The following CAD variants were observed in gnomAD, a reference collection of about 807,000 sequenced individuals.
The protein encoded by CAD is multifunctional protein CAD.
In CAD, 81 loss-of-function variants were observed where a neutral mutation model predicts 237.2. The observed-to-expected ratio is 0.34, with a 90% CI of 0.29 to 0.41. The LOEUF (loss-of-function observed/expected upper bound fraction) is 0.41. CAD is among the 10% of genes least tolerant of loss of function. The pLI is 1.00. For missense variants in CAD, 2,181 were observed against 2,951.7 expected (o/e 0.74, Z 6.05); for synonymous variants, 1,196 against 1,162.8 (o/e 1.03, Z -0.58).
At chr2:27,231,179 T>C (rs1675733520) in intron 15 of CAD, among the ~76,000 whole-genome samples, 1 of 152,228 alleles carries the variant, frequency 6.6e-6, no homozygotes, top group Non-Finnish European at 1.5e-5. Flanking sequence ...CTAATTTTTT[T>C]GTATTTTTAG....
In CAD at chr2:27,226,782, C is replaced by G; in HGVS notation, c.2157-50C>G. 2 of 1,610,122 alleles carry G rather than the reference C, an allele frequency of 1.2e-6. 1 individual carries two copies. Among genetic ancestry groups the G allele is most frequent in the South Asian group, 2.2e-5 (2 of 90,886 alleles). Reference sequence around the variant, plus strand: ...GGAAAGAGCTATCCGGAAGCTCACCCTTTATGCTTCCTTCACTGTCCTTCT... The same window carrying G: ...GGAAAGAGCTATCCGGAAGCTCACCGTTTATGCTTCCTTCACTGTCCTTCT... On this transcript the variant is annotated intron_variant, in intron 14 of 43. Coordinates refer to ENST00000264705, the MANE Select transcript of CAD (RefSeq NM_004341.5).
Position 27,222,606 on chromosome 2 carries a change from C to A in CAD, c.583C>A (p.Gln195Lys). 1.2e-6 allele frequency: 2 copies of A among 1,614,118 alleles called. No homozygotes were observed. The highest frequency in any genetic ancestry group is 1.7e-6 in the Non-Finnish European group (2 of 1,180,022). Residue 195 changes from glutamine (Q) to lysine (K), a missense_variant, in exon 5 of 44, where the codon CAG (glutamine) becomes AAG (lysine). This residue lies in a region of CAD where 314 missense variants were observed against 339.4 expected (regional missense o/e 0.93). Transcript: ENST00000264705. ...LKYNQIRCLC[Q>K]RGAEVTVVPW... Reference sequence around the variant, plus strand: ...GTATAATCAGATCCGATGCCTCTGCCAGCGTGGGGCTGAGGTCACTGTGGT... The same window carrying A: ...GTATAATCAGATCCGATGCCTCTGCAAGCGTGGGGCTGAGGTCACTGTGGT...
intron 2 of CAD, 21 bp downstream of exon 2, chr2:27,218,037 C>T (rs1674956355): frequency 6.4e-7 from 1 of 1,564,986 alleles, no homozygotes; most frequent in Admixed American, 2.0e-5. Flanking sequence ...CCAGTGCTTT[C>T]TCTACATTCC....
rs1382399962 is a variant in CAD, at chr2:27,239,161, C to A, written c.5182C>A (p.Leu1728Met). 2 of 1,613,318 alleles carry A rather than the reference C, an allele frequency of 1.2e-6. No individual in the cohort carries two copies. Among genetic ancestry groups the A allele is most frequent in the Admixed American group, 1.7e-5 (1 of 59,944 alleles). The change falls in exon 32 of 44, where the codon CTG becomes ATG. Residue 1728 changes from leucine to methionine, a missense_variant. By Grantham distance (15) the Leu-to-Met change is conservative (BLOSUM62 2). Transcript: ENST00000264705. The surrounding 1 kb of genome is among the most constrained non-coding windows in gnomAD (Gnocchi z 4.0). ...VSEGRLSLDD[L>M]LQRLHHNPRR... ...CGAGGGCCGGCTCAGCCTGGACGAC[C>A]TGCTGCAGCGATTGCACCACAATCC... is the stretch of plus-strand genomic sequence containing the variant.
At chr2:27,234,708 G>C in intron 23 of CAD, 23 bp downstream of exon 23, 1 of 1,604,398 alleles carries the variant, frequency 6.2e-7, no homozygotes, top group African/African-American at 1.3e-5. Flanking sequence ...GAAACCCTTG[G>C]GGTTAGCAGA....
Position 27,238,061 on chromosome 2 carries a change from C to T in CAD, c.4734C>T (p.Phe1578=). The change falls in exon 30 of 44, where the codon TTC becomes TTT. Residue 1578 remains phenylalanine (F), a synonymous_variant. Coordinates refer to ENST00000264705, the MANE Select transcript of CAD (RefSeq NM_004341.5). ...LDSVVQWMEH[F]ETWPSHLPIV... is the part of the protein sequence containing the mutation. ...TCAGTTCTTTCTGCTCCCAGCATTT[C>T]GAGACATGGCCCTCCCACCTCCCCA... The T allele has an allele frequency of 6.2e-7, 1 of 1,614,072 alleles. No individual in the cohort carries two copies. Among genetic ancestry groups the T allele is most frequent in the African/African-American group, 1.3e-5 (1 of 75,046 alleles).
chr2:27,241,378 G>A lies in CAD; in HGVS notation c.5865G>A (p.Arg1955=). The change falls in exon 38 of 44, where the codon CGG becomes CGA. Residue 1955 remains arginine (R), a synonymous_variant. Transcript: ENST00000264705. The surrounding 1 kb of genome is among the most constrained non-coding windows in gnomAD (Gnocchi z 4.6). Reference sequence around the variant, plus strand: ...TGCGTATGATGGTGCAGAAGGAGCGGAGCCTCGACATCCTGAAGGTCAGGA... The same window carrying A: ...TGCGTATGATGGTGCAGAAGGAGCGAAGCCTCGACATCCTGAAGGTCAGGA... The part of the protein sequence containing the change: ...HTLRMMVQKE[R]SLDILKGKVM... 6.2e-7 allele frequency: 1 copy of A among 1,614,170 alleles called. No individual in the cohort carries two copies. The highest frequency in any genetic ancestry group is 8.5e-7 in the Non-Finnish European group (1 of 1,180,014).
rs765527191 is a variant in CAD at position 27,238,112 on chromosome 2, C to A, written c.4785C>A (p.Thr1595=). 65 of 1,614,032 alleles carry A rather than the reference C, an allele frequency of 4.0e-5. No homozygotes were observed. The highest frequency in any genetic ancestry group is 5.3e-5 in the Non-Finnish European group (62 of 1,179,998). ...TTGTGGCTCACGCAGAGCAGCAAAC[C>A]GTGGCTGCTGTCCTCATGGTGGCTC... ...LPIVAHAEQQ[T]VAAVLMVAQL... Residue 1595 remains threonine, a synonymous_variant, in exon 30 of 44, where the codon ACC becomes ACA. Coordinates refer to ENST00000264705, the MANE Select transcript of CAD (RefSeq NM_004341.5).
chr2:27,229,665 C>G (rs1465060652), intron 15 of CAD, among the ~76,000 whole-genome samples: 4 of 151,118 alleles, frequency 2.6e-5, no homozygotes, highest in Non-Finnish European at 5.9e-5. Context: ...ATCATGAGGT[C>G]AGGAGTTTGA....
rs532266160 is a variant in CAD at position 27,240,652 on chromosome 2, C to T, written c.5594-259C>T. 5.2e-6 allele frequency: 8 copies of T among 1,540,666 alleles called. No homozygotes were observed. The highest frequency in any genetic ancestry group is 4.1e-5 in the African/African-American group (3 of 72,938). ...GGTTGTTGGTTGGTGTGAGTCTGGC[C>T]GTTCCTCTTGCCTAGGATGCCTTTG... On this transcript the variant is annotated intron_variant, in intron 35 of 43. Coordinates refer to ENST00000264705, the MANE Select transcript of CAD (RefSeq NM_004341.5). The surrounding 1 kb of genome is among the most constrained non-coding windows in gnomAD (Gnocchi z 4.6).
In CAD at chr2:27,236,206, C is replaced by A. The variant is rs1675993638; in HGVS notation, c.4075-78C>A. 2 of 1,561,294 alleles carry A rather than the reference C, an allele frequency of 1.3e-6. No individual in the cohort carries two copies. Among genetic ancestry groups the A allele is most frequent in the Non-Finnish European group, 1.7e-6 (2 of 1,152,550 alleles). ...AGTCTCCTCATCATGGGCTCCTGGGCCAGCTCCTCTCCCTTAAGGCTAGCC... is the reference window on the plus strand; with the variant it reads ...AGTCTCCTCATCATGGGCTCCTGGGACAGCTCCTCTCCCTTAAGGCTAGCC... On this transcript the variant is annotated intron_variant, in intron 25 of 43. Coordinates refer to ENST00000264705, the MANE Select transcript of CAD (RefSeq NM_004341.5). The surrounding 1 kb of genome is among the most constrained non-coding windows in gnomAD (Gnocchi z 4.1).
At chr2:27,228,512 C>G (rs1675550608) in intron 15 of CAD, among the ~76,000 whole-genome samples, 1 of 152,168 alleles carries the variant, frequency 6.6e-6, no homozygotes, top group African/African-American at 2.4e-5. Context: ...TCGCTTGAGC[C>G]CACGAGTTCA....
At position 27,240,079 on chromosome 2, in the gene CAD, A is replaced by G. The variant is rs1051350430; in HGVS notation, c.5497-186A>G. On this transcript the variant is annotated intron_variant, in intron 34 of 43. Transcript: ENST00000264705. The surrounding 1 kb of genome is among the most constrained non-coding windows in gnomAD (Gnocchi z 4.6). ...AACATGGTGAAACCCCATCTCTACT[A>G]AAAATAAAAAAATTAGCCAGGCGTG... The G allele has an allele frequency of 1.6e-6, 1 of 616,396 alleles. No individual in the cohort carries two copies. The highest frequency in any genetic ancestry group is 2.8e-6 in the Non-Finnish European group (1 of 352,454). The allele number at this position is 616,396 out of a possible 1,614,324, so 38.2% of individuals were successfully genotyped here. A position where few individuals can be genotyped will look rare whatever the true frequency, so the allele number is the denominator to read the frequency against.
rs1205690756 is a variant in CAD at position 27,217,504 on chromosome 2, G to A, written c.-48G>A. 8.0e-6 allele frequency: 12 copies of A among 1,496,142 alleles called. No individual in the cohort carries two copies. Among genetic ancestry groups the A allele is most frequent in the Non-Finnish European group, 9.2e-6 (10 of 1,092,498 alleles). 92.7% of individuals were successfully genotyped at this position (1,496,142 alleles called of 1,614,324 possible). The stretch of plus-strand genomic sequence containing the variant: ...TCACGTGGTTCCAGTGGAGTTTGCA[G>A]TCCTTCCCGCTTCTCCGTACTCGCC... On this transcript the variant is annotated 5_prime_UTR_variant, in exon 1 of 44. Coordinates refer to ENST00000264705, the MANE Select transcript of CAD (RefSeq NM_004341.5).
intron 15 of CAD, 88 bp downstream of exon 15, chr2:27,227,050 G>A (rs548746677): frequency 7.0e-6 from 8 of 1,144,276 alleles, no homozygotes; most frequent in South Asian, 2.5e-5. Context: ...GGCCTTTTAC[G>A]TCCTATGGGA....
In CAD at chr2:27,241,333, G is replaced by A. The variant is rs1338817164; in HGVS notation, c.5820G>A (p.Leu1940=). Reference sequence around the variant, plus strand: ...GGGCTCTTTCTTAGATGTCTCACCTGTTCAATGTGGCACACACACTGCGTA... The same window carrying A: ...GGGCTCTTTCTTAGATGTCTCACCTATTCAATGTGGCACACACACTGCGTA... ...QQFTKDQMSH[L]FNVAHTLRMM... The change falls in exon 38 of 44, where the codon CTG becomes CTA. Residue 1940 remains leucine, a synonymous_variant. Coordinates refer to ENST00000264705, the MANE Select transcript of CAD (RefSeq NM_004341.5). The surrounding 1 kb of genome is among the most constrained non-coding windows in gnomAD (Gnocchi z 4.6). 2 of 1,614,066 alleles carry A rather than the reference G, an allele frequency of 1.2e-6. No homozygotes were observed. The highest frequency in any genetic ancestry group is 2.7e-5 in the African/African-American group (2 of 74,918).
chr2:27,243,246 A>G lies in CAD; in HGVS notation c.6529A>G (p.Lys2177Glu), dbSNP rs1676412390. The G allele has an allele frequency of 1.2e-6, 2 of 1,613,992 alleles. No individual in the cohort carries two copies. The change falls in exon 43 of 44, where the codon AAG becomes GAG. Residue 2177 changes from lysine to glutamate, a missense_variant. Coordinates refer to ENST00000264705, the MANE Select transcript of CAD (RefSeq NM_004341.5). ...TCCCCACATCATGACCCGGGCCAAG[A>G]AGAAGATGGTGGTGATGCACCCGAT... ...LTPHIMTRAK[K>E]KMVVMHPMPR... is the part of the protein sequence containing the mutation.
chr2:27,221,440 A>G, intron 3 of CAD, 93 bp downstream of exon 3: 1 of 1,156,060 alleles, frequency 8.7e-7, no homozygotes. Context: ...ACCTGACTCT[A>G]AGATTGTGAT....
rs561638519 is a variant in CAD at position 27,225,336 on chromosome 2, C to T, written c.1620+93C>T. ...TTTTTTTTTTTTTGAGACGGAGTTT[C>T]GCTCTTGTTGCGCAGGCTGGAGTAC... On this transcript the variant is annotated intron_variant, in intron 11 of 43. Coordinates refer to ENST00000264705, the MANE Select transcript of CAD (RefSeq NM_004341.5). 64 of 685,230 alleles carry T rather than the reference C, an allele frequency of 9.3e-5. No individual in the cohort carries two copies. In the East Asian group the frequency reaches 1.1e-3, roughly 12 times the overall value. 42.4% of individuals were successfully genotyped at this position (685,230 alleles called of 1,614,324 possible).
Sources: allele counts gnomAD v4.1 joint callset (sites outside exome capture counted in the v4.1 genomes callset), GRCh38; gene constraint gnomAD v4.1.1; regional missense constraint gnomAD v4.1.1; non-coding constraint Gnocchi (gnomAD v3.1); transcripts MANE v1.5; gene names NCBI Gene and HGNC (gene_info 2026-07-23, HGNC 2026-07-21).